Variants in EVA1A observed in about 807,000 individuals in gnomAD.
The protein encoded by EVA1A is eva-1 homolog A, regulator of programmed cell death.
EVA1A carries 7 observed loss-of-function variants against 9.8 expected under a neutral mutation model. The ratio of observed to expected loss-of-function variants is 0.71; its 90% CI spans 0.41 to 1.34. The LOEUF is 1.34. EVA1A is among the 40% of genes most tolerant of loss of function. The pLI, the probability that EVA1A is intolerant of heterozygous loss-of-function variation, is 0.01. For synonymous variants in EVA1A, 90 were observed against 85.6 expected (o/e 1.05, Z -0.28); for missense variants, 206 against 205.9 (o/e 1.00, Z 0.00).
chr2:75,543,511 G>A (rs190470212), intron 1 of EVA1A, among the ~76,000 whole-genome samples: 2 of 151,822 alleles, frequency 1.3e-5, no homozygotes, highest in African/African-American at 2.4e-5. Context: ...CAGGAGGTGA[G>A]TGGGTGAAAA....
At chr2:75,567,565 A>G (rs1677050070) in intron 1 of EVA1A, among the ~76,000 whole-genome samples, 1 of 152,224 alleles carries the variant, frequency 6.6e-6, no homozygotes, top group South Asian at 2.1e-4. Context: ...CTCCCTGAAG[A>G]GTGTACACTA....
At chr2:75,537,269 A>AT (rs1233310917) in intron 1 of EVA1A, among the ~76,000 whole-genome samples, 12 of 152,222 alleles carry the variant, frequency 7.9e-5, no homozygotes, top group Non-Finnish European at 1.6e-4. Context: ...CCCATTCATG[A>AT]TTTTTAAAAA....
intron 3 of EVA1A, among the ~76,000 whole-genome samples, chr2:75,509,821 G>C (rs947866718): frequency 2.6e-5 from 4 of 152,026 alleles, no homozygotes; most frequent in African/African-American, 9.7e-5. Context: ...ATTCTTAAAA[G>C]AGGGGAAGTT....
At chr2:75,567,164 T>C in intron 1 of EVA1A, among the ~76,000 whole-genome samples, 1 of 152,186 alleles carries the variant, frequency 6.6e-6, no homozygotes, top group East Asian at 1.9e-4. Context: ...ATTTTTAAAA[T>C]AAGATAAATC....
chr2:75,551,479 C>G (rs956147397), intron 1 of EVA1A, among the ~76,000 whole-genome samples: 7 of 152,200 alleles, frequency 4.6e-5, no homozygotes, highest in Non-Finnish European at 8.8e-5. Context: ...TCCCAGTCTC[C>G]CATTTCCTCC....
intron 1 of EVA1A, among the ~76,000 whole-genome samples, chr2:75,534,228 G>A (rs939504436): frequency 1.5e-4 from 23 of 152,036 alleles, no homozygotes; most frequent in African/African-American, 5.6e-4. Flanking sequence ...AACAGAGAGA[G>A]ACTTTGTCTC....
intron 3 of EVA1A, among the ~76,000 whole-genome samples, chr2:75,496,265 T>C (rs1180504719): frequency 6.6e-6 from 1 of 152,192 alleles, no homozygotes; most frequent in Non-Finnish European, 1.5e-5. Flanking sequence ...GCAGACAATA[T>C]GATTCTATAC....
chr2:75,515,795 G>A (rs1307787707), intron 3 of EVA1A, among the ~76,000 whole-genome samples: 1 of 152,024 alleles, frequency 6.6e-6, no homozygotes, highest in African/African-American at 2.4e-5. Context: ...AAAAAAGGGC[G>A]AATATAGACT....
intron 3 of EVA1A, among the ~76,000 whole-genome samples, chr2:75,494,420 T>A (rs1393960263): frequency 1.3e-5 from 2 of 152,224 alleles, no homozygotes; most frequent in African/African-American, 2.4e-5. Context: ...TTAGGTTACA[T>A]AAGACTGTGA....
chr2:75,498,410 C>T (rs879460528), intron 3 of EVA1A, among the ~76,000 whole-genome samples: 3 of 152,088 alleles, frequency 2.0e-5, no homozygotes, highest in Admixed American at 1.3e-4. Flanking sequence ...TGGGATCATT[C>T]GTACACCAAA....
chr2:75,502,139 C>T (rs1281988267), intron 3 of EVA1A, among the ~76,000 whole-genome samples: 1 of 152,200 alleles, frequency 6.6e-6, no homozygotes, highest in African/African-American at 2.4e-5. Context: ...CTTAATTTAA[C>T]CAATCCATGT....
chr2:75,526,463 A>T (rs912853901), intron 1 of EVA1A, among the ~76,000 whole-genome samples: 1 of 150,964 alleles, frequency 6.6e-6, no homozygotes, highest in Non-Finnish European at 1.5e-5. Context: ...TTTAAGTTTC[A>T]TAACAGTCCC....
At chr2:75,553,269 G>A (rs1360442743) in intron 1 of EVA1A, among the ~76,000 whole-genome samples, 3 of 152,226 alleles carry the variant, frequency 2.0e-5, no homozygotes, top group Non-Finnish European at 2.9e-5. Context: ...TCCTGTGGGT[G>A]CACATAGCAC....
intron 1 of EVA1A, among the ~76,000 whole-genome samples, chr2:75,556,969 C>T (rs1488814441): frequency 5.9e-5 from 9 of 152,256 alleles, no homozygotes; most frequent in Non-Finnish European, 4.4e-5. Context: ...TCTTGGATGT[C>T]AATGGATAGG....
chr2:75,543,908 A>G (rs1409561406), intron 1 of EVA1A, among the ~76,000 whole-genome samples: 1 of 152,168 alleles, frequency 6.6e-6, no homozygotes, highest in Non-Finnish European at 1.5e-5. Flanking sequence ...CCTTATTCTA[A>G]CACAATGGAG....
At chr2:75,542,973 T>A (rs1157744523) in intron 1 of EVA1A, among the ~76,000 whole-genome samples, 1 of 152,038 alleles carries the variant, frequency 6.6e-6, no homozygotes, top group African/African-American at 2.4e-5. Context: ...GAAGGGAAAG[T>A]GCCCATCCCT....
intron 1 of EVA1A, among the ~76,000 whole-genome samples, chr2:75,559,125 T>C (rs114883774): frequency 0.014 from 2,151 of 152,272 alleles, 45 homozygotes; most frequent in African/African-American, 0.042. Context: ...CTCAGCACTA[T>C]TAACATTTTA....
intron 2 of EVA1A, among the ~76,000 whole-genome samples, chr2:75,519,993 A>C (rs1181777686): frequency 6.6e-6 from 1 of 152,054 alleles, no homozygotes; most frequent in Non-Finnish European, 1.5e-5. Context: ...TCACTCCACA[A>C]CCCAACTCTA....
intron 1 of EVA1A, among the ~76,000 whole-genome samples, chr2:75,550,050 A>G (rs907176921): frequency 4.6e-5 from 7 of 152,218 alleles, no homozygotes; most frequent in Admixed American, 1.3e-4. Flanking sequence ...CTTAAGTATG[A>G]AAACAGAGAT....
Sources: gnomAD v4.1 joint callset for allele counts (sites outside exome capture counted in the v4.1 genomes callset) on GRCh38, gnomAD v4.1.1 for gene constraint, MANE v1.5 for transcripts, NCBI Gene and HGNC (gene_info 2026-07-23, HGNC 2026-07-21) for gene names.